The following SLC25A21 variants were observed in gnomAD, a reference collection of about 807,000 sequenced individuals.
SLC25A21 encodes mitochondrial 2-oxodicarboxylate carrier.
A neutral mutation model predicts 43.8 loss-of-function variants in SLC25A21; 47 were observed. That is an observed-to-expected ratio of 1.07 (90% CI 0.85 to 1.37). The LOEUF (loss-of-function observed/expected upper bound fraction) is 1.37, where lower values mean the gene tolerates loss of function less well. Among genes scored for constraint, SLC25A21 ranks in the 40% most tolerant of loss-of-function variants. SLC25A21 has a pLI of 0.00. For missense variants in SLC25A21, 352 were observed against 350.2 expected, an observed-to-expected ratio of 1.00 and a Z score of -0.04; for synonymous variants, 131 against 121.3, an observed-to-expected ratio of 1.08 and a Z score of -0.52.
intron 2 of SLC25A21, among the ~76,000 whole-genome samples, chr14:36,851,111 G>C (rs895993921): frequency 3.9e-5 from 6 of 152,162 alleles, no homozygotes; most frequent in Non-Finnish European, 7.3e-5. Flanking sequence ...GTTATGAATA[G>C]GCTTCAGATG....
At chr14:36,685,965 C>T (rs1882519483) in intron 7 of SLC25A21, among the ~76,000 whole-genome samples, 1 of 152,176 alleles carries the variant, frequency 6.6e-6, no homozygotes, top group South Asian at 2.1e-4. Flanking sequence ...CCTGCCCTCT[C>T]TTTTGATCAA....
intron 2 of SLC25A21, among the ~76,000 whole-genome samples, chr14:36,816,907 C>A (rs1402042902): frequency 6.6e-6 from 1 of 152,086 alleles, no homozygotes; most frequent in East Asian, 1.9e-4. Flanking sequence ...AACCTATATT[C>A]ATTGTAGAGT....
chr14:37,032,304 G>A (rs10148426), intron 1 of SLC25A21, among the ~76,000 whole-genome samples: 70,505 of 151,794 alleles, frequency 0.46, 18,653 homozygotes, highest in African/African-American at 0.74. Context: ...GGGAGGCTGA[G>A]GCTGGTGGAT....
chr14:36,766,889 G>C (rs1886436445), intron 3 of SLC25A21, among the ~76,000 whole-genome samples: 1 of 152,146 alleles, frequency 6.6e-6, no homozygotes, highest in African/African-American at 2.4e-5. Context: ...TGCGCATAAT[G>C]CATTCAGCAC....
intron 1 of SLC25A21, among the ~76,000 whole-genome samples, chr14:37,102,436 C>T (rs1189235157): frequency 6.8e-6 from 1 of 148,048 alleles, no homozygotes; most frequent in African/African-American, 2.5e-5. Context: ...GAGACCTTGT[C>T]TCAAAAAAAA....
chr14:37,019,867 G>A (rs1960946847), intron 1 of SLC25A21, among the ~76,000 whole-genome samples: 1 of 151,706 alleles, frequency 6.6e-6, no homozygotes, highest in African/African-American at 2.4e-5. Context: ...TAAAAAAAGA[G>A]TGAAATTAAA....
chr14:36,703,993 T>TCCATTCCATTC (rs1883390087), intron 7 of SLC25A21, among the ~76,000 whole-genome samples: 1 of 152,312 alleles, frequency 6.6e-6, no homozygotes, highest in African/African-American at 2.4e-5. Flanking sequence ...TTCCATTTAC[T>TCCATTCCATTC]ACAAGATGTA....
At chr14:37,121,141 T>C (rs577498055) in intron 1 of SLC25A21, among the ~76,000 whole-genome samples, 1 of 152,336 alleles carries the variant, frequency 6.6e-6, no homozygotes, top group African/African-American at 2.4e-5. Context: ...TTTCAGAACT[T>C]GCGCCAGGCA....
At chr14:37,078,757 T>G (rs1962331095) in intron 1 of SLC25A21, among the ~76,000 whole-genome samples, 1 of 152,060 alleles carries the variant, frequency 6.6e-6, no homozygotes. Context: ...TTGGCAACAC[T>G]GCCTTTATGG....
chr14:36,872,655 ATC>A (rs1890408076), intron 2 of SLC25A21, among the ~76,000 whole-genome samples: 1 of 152,176 alleles, frequency 6.6e-6, no homozygotes, highest in African/African-American at 2.4e-5. Flanking sequence ...ACCACCCAGT[ATC>A]CAATTCCCCT....
intron 1 of SLC25A21, among the ~76,000 whole-genome samples, chr14:37,162,016 TAGGG>T (rs1260985106): frequency 8.7e-6 from 1 of 114,846 alleles, no homozygotes; most frequent in Non-Finnish European, 1.9e-5. Flanking sequence ...ATTAAAAAGA[TAGGG>T]AGAGAACACC....
intron 2 of SLC25A21, among the ~76,000 whole-genome samples, chr14:36,837,601 C>G (rs1889252738): frequency 6.6e-6 from 1 of 152,108 alleles, no homozygotes; most frequent in African/African-American, 2.4e-5. Flanking sequence ...GGGCCATGTC[C>G]AGTCAGTGAT....
chr14:36,806,315 C>CT (rs1175188221), intron 3 of SLC25A21, among the ~76,000 whole-genome samples: 7 of 152,102 alleles, frequency 4.6e-5, no homozygotes, highest in African/African-American at 1.7e-4. Context: ...CTCCATAGCA[C>CT]TGTAGGATGA....
chr14:36,918,367 C>T (rs959368234), intron 1 of SLC25A21, among the ~76,000 whole-genome samples: 3 of 152,098 alleles, frequency 2.0e-5, no homozygotes, highest in Admixed American at 1.3e-4. Context: ...ATGATTTTCC[C>T]TTGTAATGCT....
chr14:36,696,117 AG>A (rs1391424580), intron 7 of SLC25A21, among the ~76,000 whole-genome samples: 2 of 152,226 alleles, frequency 1.3e-5, no homozygotes, highest in African/African-American at 2.4e-5. Context: ...TTTAGCATGA[AG>A]GGCTGTTGAA....
chr14:37,016,291 A>G (rs971534119), intron 1 of SLC25A21, among the ~76,000 whole-genome samples: 10 of 152,128 alleles, frequency 6.6e-5, no homozygotes, highest in African/African-American at 2.2e-4. Flanking sequence ...ACCATTTATT[A>G]AATAGGGAAT....
intron 1 of SLC25A21, among the ~76,000 whole-genome samples, chr14:36,975,310 A>G (rs1959844554): frequency 6.6e-6 from 1 of 152,220 alleles, no homozygotes; most frequent in South Asian, 2.1e-4. Context: ...AGGATCTCAT[A>G]AATCACCACT....
chr14:36,923,639 C>G (rs887734112), intron 1 of SLC25A21, among the ~76,000 whole-genome samples: 1 of 152,222 alleles, frequency 6.6e-6, no homozygotes, highest in East Asian at 1.9e-4. Context: ...AGGTGCCTGA[C>G]AGCAGTAGCA....
intron 1 of SLC25A21, among the ~76,000 whole-genome samples, chr14:37,118,899 C>G (rs562102701): frequency 2.0e-4 from 30 of 152,178 alleles, no homozygotes; most frequent in African/African-American, 7.0e-4. Flanking sequence ...GGGCTGCATT[C>G]CCAGGAGGTT....
Sources: allele counts gnomAD v4.1 joint callset (sites outside exome capture counted in the v4.1 genomes callset), GRCh38; gene constraint gnomAD v4.1.1; transcripts MANE v1.5; gene names NCBI Gene and HGNC (gene_info 2026-07-23, HGNC 2026-07-21).